The following SGCZ variants were observed in gnomAD, a reference collection of about 807,000 sequenced individuals.
The protein encoded by SGCZ is sarcoglycan zeta.
SGCZ carries 40 observed loss-of-function variants against 41.3 expected under a neutral mutation model. That is an observed-to-expected ratio of 0.97 (90% confidence interval 0.75 to 1.26). The LOEUF (loss-of-function observed/expected upper bound fraction) is 1.26, where lower values mean the gene tolerates loss of function less well. SGCZ is among the 50% of genes most tolerant of loss of function. SGCZ has a pLI of 0.00. For synonymous variants in SGCZ, 206 were observed against 137.5 expected (o/e 1.50, Z -3.49); for missense variants, 552 against 369.8 (o/e 1.49, Z -4.04).
At chr8:14,549,309 GT>G (rs1030104378) in intron 2 of SGCZ, among the ~76,000 whole-genome samples, 1 of 151,968 alleles carries the variant, frequency 6.6e-6, no homozygotes. Flanking sequence ...AAATTATGCT[GT>G]TTTTCCTCCT....
Position 14,596,432 on chromosome 8 carries a change from G to C in SGCZ, c.40-41506C>G, listed in dbSNP as rs73517260. Among the ~76,000 whole-genome samples, 1,153 of 152,012 alleles carry C rather than the reference G, an allele frequency of 7.6e-3. 16 individuals are homozygous for C. The highest frequency in any genetic ancestry group is 0.027 in the African/African-American group (1,100 of 41,438). ...TAAAAATCATTTAAACATTTAATGA[G>C]GATAATTAGCATTTTGACATACCAG... On this transcript the variant is annotated intron_variant, in intron 1 of 7. Coordinates refer to ENST00000382080, the MANE Select transcript of SGCZ (RefSeq NM_139167.4).
At chr8:14,982,410 C>T (rs1341214005) in intron 1 of SGCZ, among the ~76,000 whole-genome samples, 1 of 152,148 alleles carries the variant, frequency 6.6e-6, no homozygotes, top group Non-Finnish European at 1.5e-5. Flanking sequence ...TCTCATCATA[C>T]AGAAAAATGA....
intron 1 of SGCZ, among the ~76,000 whole-genome samples, chr8:15,066,589 C>G (rs1333506742): frequency 1.3e-5 from 2 of 152,154 alleles, no homozygotes; most frequent in Non-Finnish European, 2.9e-5. Flanking sequence ...TATCTCCTGA[C>G]ATACTAACAT....
intron 1 of SGCZ, among the ~76,000 whole-genome samples, chr8:14,722,517 T>C (rs1317011613): frequency 1.3e-5 from 2 of 152,174 alleles, no homozygotes; most frequent in East Asian, 3.9e-4. Context: ...ATGTATGTAT[T>C]TATGCACACA....
At chr8:14,798,636 T>A (rs917440147) in intron 1 of SGCZ, among the ~76,000 whole-genome samples, 81 of 152,298 alleles carry the variant, frequency 5.3e-4, no homozygotes, top group African/African-American at 1.8e-3. Flanking sequence ...TAAACCATTA[T>A]TAAGTCTGTT....
At chr8:14,759,317 G>C (rs911536037) in intron 1 of SGCZ, among the ~76,000 whole-genome samples, 1 of 148,742 alleles carries the variant, frequency 6.7e-6, no homozygotes, top group Non-Finnish European at 1.5e-5. Flanking sequence ...CCTTTTATCT[G>C]ATTTTTTAAA....
chr8:15,117,102 T>C (rs1157933125), intron 1 of SGCZ, among the ~76,000 whole-genome samples: 2 of 152,234 alleles, frequency 1.3e-5, no homozygotes, highest in Non-Finnish European at 2.9e-5. Flanking sequence ...CAGGGCGCAG[T>C]GGCTCATGCC....
intron 1 of SGCZ, among the ~76,000 whole-genome samples, chr8:14,735,387 A>G (rs909755552): frequency 2.6e-5 from 4 of 152,200 alleles, no homozygotes; most frequent in African/African-American, 9.6e-5. Context: ...AAGCAGGTGG[A>G]AGAAGGTGGG....
At chr8:14,666,285 T>C (rs925773065) in intron 1 of SGCZ, among the ~76,000 whole-genome samples, 2 of 152,172 alleles carry the variant, frequency 1.3e-5, no homozygotes, top group African/African-American at 2.4e-5. Flanking sequence ...CTGTTGTTGG[T>C]AATTTTCACA....
intron 1 of SGCZ, among the ~76,000 whole-genome samples, chr8:14,903,464 A>G (rs1412569431): frequency 6.6e-6 from 1 of 152,118 alleles, no homozygotes; most frequent in Non-Finnish European, 1.5e-5. Context: ...CAAAAAAAGT[A>G]AATGCAAATG....
chr8:14,504,867 C>G (rs1201057481), intron 2 of SGCZ, among the ~76,000 whole-genome samples: 1 of 152,144 alleles, frequency 6.6e-6, no homozygotes, highest in African/African-American at 2.4e-5. Context: ...ATTTCACTTT[C>G]CTCTTTCTTT....
At chr8:14,172,060 A>T (rs533346267) in intron 4 of SGCZ, among the ~76,000 whole-genome samples, 9 of 152,154 alleles carry the variant, frequency 5.9e-5, no homozygotes, top group South Asian at 2.1e-4. Flanking sequence ...TGGTTCCCAA[A>T]GAAGTATCAC....
chr8:14,264,498 A>C (rs1366969458), intron 3 of SGCZ, among the ~76,000 whole-genome samples: 2 of 152,184 alleles, frequency 1.3e-5, no homozygotes, highest in East Asian at 3.9e-4. Flanking sequence ...CCTGCGGCAA[A>C]CCTCAGCTTA....
intron 2 of SGCZ, among the ~76,000 whole-genome samples, chr8:14,353,133 A>C (rs1403749245): frequency 6.6e-6 from 1 of 151,852 alleles, no homozygotes; most frequent in Non-Finnish European, 1.5e-5. Flanking sequence ...CAAGTTACCC[A>C]ACTTCTCTGT....
intron 1 of SGCZ, among the ~76,000 whole-genome samples, chr8:14,701,107 T>C (rs766486656): frequency 2.0e-4 from 31 of 151,920 alleles, no homozygotes; most frequent in Non-Finnish European, 3.5e-4. Context: ...GCATAAGCTA[T>C]CCAGAACAAA....
At chr8:14,113,731 C>G (rs1474102355) in intron 5 of SGCZ, among the ~76,000 whole-genome samples, 1 of 151,940 alleles carries the variant, frequency 6.6e-6, no homozygotes, top group African/African-American at 2.4e-5. Context: ...AAATGATGTT[C>G]TAAAACACAA....
At chr8:14,989,555 G>C (rs193202177) in intron 1 of SGCZ, among the ~76,000 whole-genome samples, 8 of 152,234 alleles carry the variant, frequency 5.3e-5, no homozygotes, top group Non-Finnish European at 7.4e-5. Context: ...AGGTGGGTAA[G>C]CAACGTGCTC....
At chr8:15,062,789 G>C (rs140488167) in intron 1 of SGCZ, among the ~76,000 whole-genome samples, 1 of 152,130 alleles carries the variant, frequency 6.6e-6, no homozygotes, top group Non-Finnish European at 1.5e-5. Flanking sequence ...CCTTTTTACA[G>C]TCTTACGTAT....
chr8:14,283,532 T>G (rs768904121), intron 3 of SGCZ, among the ~76,000 whole-genome samples: 1 of 152,198 alleles, frequency 6.6e-6, no homozygotes. Flanking sequence ...AAAATCACTT[T>G]TCATGAGCCA....
Sources: gnomAD v4.1 joint callset for allele counts (sites outside exome capture counted in the v4.1 genomes callset) on GRCh38, gnomAD v4.1.1 for gene constraint, MANE v1.5 for transcripts, NCBI Gene and HGNC (gene_info 2026-07-23, HGNC 2026-07-21) for gene names.